TRAP1: variants seen among roughly 807,000 people sequenced by gnomAD.
The protein encoded by TRAP1 is heat shock protein 75 kDa, mitochondrial.
A neutral mutation model predicts 89.1 loss-of-function variants in TRAP1; 102 were observed. That is an observed-to-expected ratio of 1.15 (90% CI 0.98 to 1.35). The LOEUF is 1.35. Ranked by LOEUF, TRAP1 falls within the 40% of genes most tolerant of loss-of-function variation. The pLI, the probability that TRAP1 is intolerant of heterozygous loss-of-function variation, is 0.00. For synonymous variants in TRAP1, 508 were observed against 388.0 expected, an observed-to-expected ratio of 1.31 and a Z score of -3.64; for missense variants, 1,256 against 945.3, an observed-to-expected ratio of 1.33 and a Z score of -4.31.
intron 1 of TRAP1, among the ~76,000 whole-genome samples, chr16:3,717,005 C>T (rs2051606137): frequency 6.6e-6 from 1 of 152,258 alleles, no homozygotes; most frequent in South Asian, 2.1e-4. Flanking sequence ...AGGGGTAAAG[C>T]ACGATCCATG....
At chr16:3,695,539 A>C (rs2051274917) in intron 1 of TRAP1, among the ~76,000 whole-genome samples, 1 of 151,006 alleles carries the variant, frequency 6.6e-6, no homozygotes, top group Non-Finnish European at 1.5e-5. Context: ...CTGTCTCGAA[A>C]AAAAAAAAAA....
chr16:3,679,847 T>C, intron 4 of TRAP1, 57 bp from the exon 5 acceptor site: 1 of 1,566,556 alleles, frequency 6.4e-7, no homozygotes, highest in East Asian at 2.2e-5. Context: ...GCCGGGTGAG[T>C]GCACCAGCAG....
At chr16:3,703,441 A>T (rs1567243919) in intron 1 of TRAP1, among the ~76,000 whole-genome samples, 1 of 151,896 alleles carries the variant, frequency 6.6e-6, no homozygotes, top group Non-Finnish European at 1.5e-5. Context: ...TAACACAAAG[A>T]AAAAACACTA....
At position 3,662,887 on chromosome 16, in the gene TRAP1, CGTT is replaced by C; in HGVS notation, c.1786_1788del (p.Asn596del). The C allele has an allele frequency of 6.2e-7, 1 of 1,613,600 alleles. No homozygotes were observed. The highest frequency in any genetic ancestry group is 8.5e-7 in the Non-Finnish European group (1 of 1,179,982). On this transcript the variant is annotated inframe_deletion, in exon 15 of 18. Coordinates refer to ENST00000246957, the MANE Select transcript of TRAP1 (RefSeq NM_016292.3). ...CATCCCCGGGAAAGCCTCACCTTCA[CGTT>C]GGTGACACGCGACCCCAGCACATTT... is the stretch of plus-strand genomic sequence containing the variant.
chr16:3,685,645 T>C (rs571421411), intron 4 of TRAP1, among the ~76,000 whole-genome samples: 14 of 152,274 alleles, frequency 9.2e-5, no homozygotes, highest in Non-Finnish European at 2.1e-4. Context: ...CGTCGGCATT[T>C]TGAGGGGAAA....
At chr16:3,705,200 G>C (rs150035461) in intron 1 of TRAP1, among the ~76,000 whole-genome samples, 123 of 152,128 alleles carry the variant, frequency 8.1e-4, no homozygotes, top group African/African-American at 2.9e-3. Flanking sequence ...GAGTAGCTGG[G>C]ACTACAGGCG....
At chr16:3,666,975 A>T (rs1383589225) in intron 11 of TRAP1, among the ~76,000 whole-genome samples, 1 of 152,036 alleles carries the variant, frequency 6.6e-6, no homozygotes, top group Non-Finnish European at 1.5e-5. Context: ...TGGGAACAAC[A>T]CTCTCTCGAG....
intron 1 of TRAP1, among the ~76,000 whole-genome samples, chr16:3,710,096 T>C (rs928014969): frequency 1.3e-5 from 2 of 152,184 alleles, no homozygotes; most frequent in Non-Finnish European, 2.9e-5. Flanking sequence ...TTCTCTACTA[T>C]GATATACTGA....
intron 11 of TRAP1, among the ~76,000 whole-genome samples, chr16:3,669,349 G>A (rs1382407001): frequency 2.0e-5 from 3 of 152,210 alleles, no homozygotes; most frequent in Admixed American, 6.5e-5. Context: ...TGGTCATGTC[G>A]GCAGCAAGTC....
chr16:3,678,862 A>G (rs73489730), intron 5 of TRAP1, among the ~76,000 whole-genome samples: 5 of 152,160 alleles, frequency 3.3e-5, no homozygotes, highest in African/African-American at 1.2e-4. Context: ...TCTGAGTCCA[A>G]ATGTGTTGCT....
chr16:3,658,256 TATGAGGGGC>T, intron 17 of TRAP1, 26 bp from the exon 18 acceptor site: 1 of 1,577,756 alleles, frequency 6.3e-7, no homozygotes, highest in Non-Finnish European at 8.7e-7. Flanking sequence ...AGAAACCCAT[TATGAGGGGC>T]ATGGGGCACC....
intron 17 of TRAP1, 35 bp from the exon 18 acceptor site, chr16:3,658,265 C>T (rs1228979643): frequency 2.0e-6 from 3 of 1,494,032 alleles, no homozygotes; most frequent in Non-Finnish European, 2.7e-6. Context: ...TTATGAGGGG[C>T]ATGGGGCACC....
In TRAP1 at chr16:3,691,665, C is replaced by CA. The variant is rs1162009546; in HGVS notation, c.89-681dup. ...CACTTCTTTGCTCTTGACAGTCAAG[C>CA]AAAAAAAAAATCCTCCCAAAAGGGA... On this transcript the variant is annotated intron_variant, in intron 1 of 17. Coordinates refer to ENST00000246957, the MANE Select transcript of TRAP1 (RefSeq NM_016292.3). Among the ~76,000 whole-genome samples, 845 of 147,428 alleles carry CA rather than the reference C, an allele frequency of 5.7e-3. 3 individuals are homozygous for CA. The highest frequency in any genetic ancestry group is 7.8e-3 in the African/African-American group (316 of 40,324).
intron 5 of TRAP1, 99 bp from the exon 6 acceptor site, chr16:3,677,757 T>G (rs2051019300): frequency 2.2e-6 from 3 of 1,386,002 alleles, no homozygotes; most frequent in Admixed American, 2.3e-5. Context: ...GACCCCTTCA[T>G]CCTGAAAACA....
At chr16:3,672,630 C>G in intron 10 of TRAP1, 70 bp downstream of exon 10, 1 of 1,519,664 alleles carries the variant, frequency 6.6e-7, no homozygotes, top group Non-Finnish European at 8.8e-7. Context: ...GGAATCAGCA[C>G]GGTCCCTCAC....
intron 1 of TRAP1, among the ~76,000 whole-genome samples, chr16:3,707,537 A>G (rs2051465553): frequency 6.6e-6 from 1 of 151,822 alleles, no homozygotes; most frequent in Non-Finnish European, 1.5e-5. Context: ...CCATAAATAT[A>G]AGGACCACAT....
intron 3 of TRAP1, chr16:3,687,266 G>C (rs575886026): frequency 1.3e-5 from 2 of 152,150 alleles, no homozygotes; most frequent in Admixed American, 1.3e-4. Flanking sequence ...TTCTCTCTTT[G>C]CCTGCTGTCA....
intron 1 of TRAP1, among the ~76,000 whole-genome samples, chr16:3,706,589 G>C (rs1045206802): frequency 6.7e-6 from 1 of 149,552 alleles, no homozygotes; most frequent in Non-Finnish European, 1.5e-5. Flanking sequence ...CCTCCCAAAT[G>C]GCTGGGACCA....
intron 4 of TRAP1, among the ~76,000 whole-genome samples, chr16:3,685,705 A>T (rs1453468418): frequency 6.6e-6 from 1 of 152,182 alleles, no homozygotes; most frequent in African/African-American, 2.4e-5. Context: ...ATATGTTTAG[A>T]TATGTTAATA....
Sources: gnomAD v4.1 joint callset for allele counts (sites outside exome capture counted in the v4.1 genomes callset) on GRCh38, gnomAD v4.1.1 for gene constraint, MANE v1.5 for transcripts, NCBI Gene and HGNC (gene_info 2026-07-23, HGNC 2026-07-21) for gene names.